PRIM2: variants seen among roughly 807,000 people sequenced by gnomAD.
The protein encoded by PRIM2 is DNA primase large subunit.
Under a neutral mutation model 67.3 loss-of-function variants are expected in PRIM2, and 39 were observed. That is an observed-to-expected ratio of 0.58 (90% CI 0.45 to 0.76). The LOEUF is 0.76. Ranked by LOEUF, PRIM2 falls within the 30% of genes least tolerant of loss-of-function variation. The pLI is 0.00. For missense variants in PRIM2, 398 were observed against 598.7 expected (o/e 0.66, Z 3.50); for synonymous variants, 143 against 198.7 (o/e 0.72, Z 2.36).
chr6:57,389,454 G>A (rs1360934367), intron 7 of PRIM2, among the ~76,000 whole-genome samples: 4 of 152,026 alleles, frequency 2.6e-5, no homozygotes, highest in African/African-American at 9.7e-5. Flanking sequence ...TCTTTAGAAG[G>A]TACTGGTAAA....
intron 10 of PRIM2, among the ~76,000 whole-genome samples, chr6:57,542,900 G>C (rs1775192527): frequency 7.0e-6 from 1 of 142,972 alleles, no homozygotes. Flanking sequence ...ATATTCTTAA[G>C]AGGTATAAAA....
chr6:57,271,596 T>C, the PRIM2 span, among the ~76,000 whole-genome samples: 1 of 152,208 alleles, frequency 6.6e-6, no homozygotes, highest in Non-Finnish European at 1.5e-5. Context: ...ATTCATTGAT[T>C]TTTTGAAGGG....
intron 7 of PRIM2, among the ~76,000 whole-genome samples, chr6:57,426,670 G>T (rs1398204639): frequency 1.3e-5 from 2 of 152,170 alleles, no homozygotes; most frequent in South Asian, 2.1e-4. Context: ...CCGTTGAGGG[G>T]TGTACATAAG....
At position 57,414,491 on chromosome 6, in the gene PRIM2, T is replaced by G. The variant is rs1336851209; in HGVS notation, c.693+32323T>G. Among the ~76,000 whole-genome samples, 3 of 152,292 alleles carry G rather than the reference T, an allele frequency of 2.0e-5. No individual in the cohort carries two copies. The East Asian group carries it at 5.8e-4, about 29-fold the overall frequency. ...AGGATTTAGTGATGAGAGTTGTTTATTTTTCTAATGTAATTATGGTGACAA... is the reference window on the plus strand; with the variant it reads ...AGGATTTAGTGATGAGAGTTGTTTAGTTTTCTAATGTAATTATGGTGACAA... On this transcript the variant is annotated intron_variant, in intron 7 of 13. Coordinates refer to ENST00000615550, the MANE Select transcript of PRIM2 (RefSeq NM_000947.5).
chr6:57,418,417 T>TTTA (rs1271452102), intron 7 of PRIM2, among the ~76,000 whole-genome samples: 1 of 127,192 alleles, frequency 7.9e-6, no homozygotes, highest in Admixed American at 8.4e-5. Flanking sequence ...TTTTTTTTTT[T>TTTA]AACAGATTCT....
intron 5 of PRIM2, among the ~76,000 whole-genome samples, chr6:57,341,268 GA>G (rs1192326243): frequency 6.6e-6 from 1 of 152,192 alleles, no homozygotes; most frequent in East Asian, 1.9e-4. Context: ...GTGTTTATTA[GA>G]ACGTCGGTGG....
At chr6:57,328,172 A>G (rs1447394446) in intron 5 of PRIM2, among the ~76,000 whole-genome samples, 1 of 152,212 alleles carries the variant, frequency 6.6e-6, no homozygotes, top group Non-Finnish European at 1.5e-5. Context: ...AGCGTCACAT[A>G]TACTTTTTTA....
At chr6:57,332,123 T>G (rs1473737418) in intron 5 of PRIM2, among the ~76,000 whole-genome samples, 1 of 152,112 alleles carries the variant, frequency 6.6e-6, no homozygotes, top group African/African-American at 2.4e-5. Flanking sequence ...TTTCAAAGTA[T>G]TCTTTTTTAC....
chr6:57,238,208 C>A, the PRIM2 span, among the ~76,000 whole-genome samples: 4 of 152,210 alleles, frequency 2.6e-5, no homozygotes, highest in African/African-American at 9.6e-5. Context: ...CTGCACCAAG[C>A]AGACCTAATA....
chr6:57,458,645 A>G (rs1772891383), intron 7 of PRIM2, among the ~76,000 whole-genome samples: 1 of 152,190 alleles, frequency 6.6e-6, no homozygotes, highest in Non-Finnish European at 1.5e-5. Context: ...AGGTTGCGCC[A>G]TTGCACTCCA....
the PRIM2 span, among the ~76,000 whole-genome samples, chr6:57,276,446 CATAT>C: frequency 0.54 from 81,131 of 150,820 alleles, 23,591 homozygotes; most frequent in East Asian, 0.81. Flanking sequence ...ATACCATTTA[CATAT>C]ATATATATAT....
chr6:57,306,021 C>A, the PRIM2 span, among the ~76,000 whole-genome samples: 1 of 152,046 alleles, frequency 6.6e-6, no homozygotes, highest in Non-Finnish European at 1.5e-5. Flanking sequence ...AAATTATTTC[C>A]CCATGGCTAA....
At chr6:57,486,950 T>G (rs1773768351) in intron 7 of PRIM2, among the ~76,000 whole-genome samples, 1 of 152,226 alleles carries the variant, frequency 6.6e-6, no homozygotes, top group Non-Finnish European at 1.5e-5. Flanking sequence ...GATTTGTTTT[T>G]CATATTCAGA....
the PRIM2 span, among the ~76,000 whole-genome samples, chr6:57,255,370 C>T: frequency 1.3e-5 from 2 of 151,962 alleles, no homozygotes; most frequent in East Asian, 3.9e-4. Context: ...TGGTGGCGGG[C>T]ACCTGTAGTC....
At chr6:57,311,935 C>T (rs1056235854), upstream of PRIM2, among the ~76,000 whole-genome samples, 20 of 148,704 alleles carry the variant, frequency 1.3e-4, no homozygotes, top group African/African-American at 4.7e-4. Context: ...CACCGGAGCC[C>T]GAGGCAGGGA....
chr6:57,343,843 A>G (rs1355910778), intron 5 of PRIM2, among the ~76,000 whole-genome samples: 1 of 152,154 alleles, frequency 6.6e-6, no homozygotes, highest in East Asian at 1.9e-4. Flanking sequence ...GTAGTAGGGG[A>G]GAGAGAGAAG....
intron 10 of PRIM2, among the ~76,000 whole-genome samples, chr6:57,539,642 GTGTGTGTGTGTGTGTATATATA>G (rs1775097861): frequency 1.4e-5 from 1 of 71,114 alleles, no homozygotes; most frequent in South Asian, 3.0e-4. Context: ...GTGTGTGTGT[GTGTGTGTGTGTGTGTATATATA>G]TATATATATG....
intron 7 of PRIM2, among the ~76,000 whole-genome samples, chr6:57,462,704 GTCT>G (rs1255288229): frequency 6.6e-6 from 1 of 152,192 alleles, no homozygotes; most frequent in African/African-American, 2.4e-5. Flanking sequence ...TCTCGACTGT[GTCT>G]TCTTTTTGTG....
At chr6:57,302,278 TAGAG>T in the PRIM2 span, among the ~76,000 whole-genome samples, 1 of 152,176 alleles carries the variant, frequency 6.6e-6, no homozygotes, top group Non-Finnish European at 1.5e-5. Flanking sequence ...TGAATATGGA[TAGAG>T]AGATAGATAG....
Sources: gnomAD v4.1 joint callset for allele counts (sites outside exome capture counted in the v4.1 genomes callset) on GRCh38, gnomAD v4.1.1 for gene constraint, MANE v1.5 for transcripts, NCBI Gene and HGNC (gene_info 2026-07-23, HGNC 2026-07-21) for gene names.